MAP3K20: variants seen among roughly 807,000 people sequenced by gnomAD.
MAP3K20 encodes HCCS-4.
A neutral mutation model predicts 85.7 loss-of-function variants in MAP3K20; 40 were observed. The ratio of observed to expected loss-of-function variants is 0.47; its 90% CI spans 0.36 to 0.61. The LOEUF (loss-of-function observed/expected upper bound fraction) is 0.61, where lower values mean the gene tolerates loss of function less well. Ranked by LOEUF, MAP3K20 falls within the 20% of genes least tolerant of loss-of-function variation. MAP3K20 has a pLI of 0.00. For synonymous variants in MAP3K20, 325 were observed against 327.7 expected, an observed-to-expected ratio of 0.99 and a Z score of 0.09; for missense variants, 817 against 961.7, an observed-to-expected ratio of 0.85 and a Z score of 1.99.
At chr2:173,131,033 G>A (rs1688604905) in intron 2 of MAP3K20, among the ~76,000 whole-genome samples, 1 of 152,206 alleles carries the variant, frequency 6.6e-6, no homozygotes, top group African/African-American at 2.4e-5. Context: ...ATTACCTCAT[G>A]GAGTAATGGC....
chr2:173,131,305 C>T (rs530993786), intron 2 of MAP3K20, among the ~76,000 whole-genome samples: 1 of 152,260 alleles, frequency 6.6e-6, no homozygotes, highest in African/African-American at 2.4e-5. Context: ...CAGTAATTGA[C>T]ATTAGGTGCT....
At chr2:173,196,537 C>G (rs758237255) in intron 7 of MAP3K20, among the ~76,000 whole-genome samples, 1 of 152,162 alleles carries the variant, frequency 6.6e-6, no homozygotes, top group African/African-American at 2.4e-5. Flanking sequence ...AATTTTTTTT[C>G]TCCTGCTTGA....
At chr2:173,235,391 AC>A (rs1684624827) in intron 14 of MAP3K20, among the ~76,000 whole-genome samples, 1 of 152,024 alleles carries the variant, frequency 6.6e-6, no homozygotes, top group Non-Finnish European at 1.5e-5. Context: ...CCCACCTGGG[AC>A]CCCCTCCTCG....
intron 16 of MAP3K20, 98 bp downstream of exon 16, chr2:173,239,594 A>T: frequency 9.5e-7 from 1 of 1,050,534 alleles, no homozygotes; most frequent in Non-Finnish European, 1.4e-6. Context: ...ACCAGCTGGT[A>T]ACTGGATTTT....
chr2:173,107,331 A>G (rs1559233642), intron 2 of MAP3K20, among the ~76,000 whole-genome samples: 1 of 152,122 alleles, frequency 6.6e-6, no homozygotes, highest in Non-Finnish European at 1.5e-5. Context: ...GAAGGTTTAG[A>G]GAAGAGGTTC....
intron 2 of MAP3K20, among the ~76,000 whole-genome samples, chr2:173,141,287 A>G (rs1476127651): frequency 6.6e-6 from 1 of 152,216 alleles, no homozygotes; most frequent in Non-Finnish European, 1.5e-5. Context: ...TGTAATTAGC[A>G]GACAAAAGAC....
At chr2:173,119,963 G>A (rs1190885331) in intron 2 of MAP3K20, among the ~76,000 whole-genome samples, 2 of 152,096 alleles carry the variant, frequency 1.3e-5, no homozygotes, top group Non-Finnish European at 1.5e-5. Flanking sequence ...GGAGAGATCA[G>A]AGAGAAATAA....
chr2:173,224,944 T>C (rs1684342784), intron 11 of MAP3K20: 1 of 981,996 alleles, frequency 1.0e-6, no homozygotes, highest in South Asian at 4.7e-5. Flanking sequence ...TGGATTTAGT[T>C]CCAACTACTT....
chr2:173,248,437 A>G (rs928235524), intron 16 of MAP3K20, among the ~76,000 whole-genome samples: 2 of 152,268 alleles, frequency 1.3e-5, no homozygotes, highest in African/African-American at 4.8e-5. Context: ...AAAGAAACAC[A>G]AGTTTTAATT....
In MAP3K20 at chr2:173,266,775, A is replaced by C; in HGVS notation, c.*25A>C. 7.8e-7 allele frequency: 1 copy of C among 1,274,874 alleles called. No individual in the cohort carries two copies. Among genetic ancestry groups the C allele is most frequent in the South Asian group, 2.1e-5 (1 of 47,066 alleles). 79.0% of individuals were successfully genotyped at this position (1,274,874 alleles called of 1,614,324 possible). On this transcript the variant is annotated 3_prime_UTR_variant, in exon 20 of 20. Transcript: ENST00000375213. ...ATGAATTGAACTACATAGCTTTTCTAAGCAGGTTAAAAAAAAAAAAAAAAA... is the reference window on the plus strand; with the variant it reads ...ATGAATTGAACTACATAGCTTTTCTCAGCAGGTTAAAAAAAAAAAAAAAAA...
chr2:173,232,140 G>C (rs1423096889), intron 12 of MAP3K20, 52 bp from the exon 13 acceptor site: 1 of 1,608,760 alleles, frequency 6.2e-7, no homozygotes, highest in Non-Finnish European at 8.5e-7. Flanking sequence ...GTGAAGACTG[G>C]CCACTGACCA....
rs557462332 is a variant in MAP3K20 at position 173,199,653 on chromosome 2, A to C, written c.669+1541A>C. ...CTGCACTATTCCAAGATAAACTAGG[A>C]GAAAGGTTGTTTTTTTTTTTTTTTC... On this transcript the variant is annotated intron_variant, in intron 8 of 19. Coordinates refer to ENST00000375213, the MANE Select transcript of MAP3K20 (RefSeq NM_016653.3). 2.7e-5 allele frequency among the ~76,000 whole-genome samples: 4 copies of C among 145,668 alleles called. No individual in the cohort carries two copies. The East Asian group carries it at 6.7e-4, about 24-fold the overall frequency.
chr2:173,262,350 A>G (rs1685316390), intron 18 of MAP3K20, among the ~76,000 whole-genome samples: 1 of 152,182 alleles, frequency 6.6e-6, no homozygotes, highest in Non-Finnish European at 1.5e-5. Context: ...CTGTAACCCC[A>G]GCACTTTGGG....
chr2:173,084,424 C>CAAA (rs60463346), intron 1 of MAP3K20, among the ~76,000 whole-genome samples: 27 of 136,566 alleles, frequency 2.0e-4, no homozygotes, highest in Admixed American at 5.8e-4. Flanking sequence ...CCAAAAAGTG[C>CAAA]AAAAAAAAAA....
intron 11 of MAP3K20, chr2:173,221,787 T>C (rs1684258805): frequency 8.7e-7 from 1 of 1,145,026 alleles, no homozygotes; most frequent in East Asian, 4.3e-5. Flanking sequence ...TTTGTGATCC[T>C]ATATACAATA....
At position 173,180,535 on chromosome 2, in the gene MAP3K20, G is replaced by A. The variant is rs145992736; in HGVS notation, c.248-2319G>A. ...AAAAAATACAAATAAAAATTAGCCA[G>A]CGTGGTGATGTGCACCTGTAGTCCC... On this transcript the variant is annotated intron_variant, in intron 3 of 19. Transcript: ENST00000375213. 3.4e-3 allele frequency among the ~76,000 whole-genome samples: 519 copies of A among 152,224 alleles called. 2 individuals carry two copies. Among genetic ancestry groups the A allele is most frequent in the African/African-American group, 0.012 (499 of 41,530 alleles).
intron 12 of MAP3K20, among the ~76,000 whole-genome samples, chr2:173,230,101 G>A (rs765612700): frequency 1.8e-4 from 28 of 152,046 alleles, no homozygotes; most frequent in Non-Finnish European, 3.7e-4. Flanking sequence ...CAAAGTGCTG[G>A]GATTATAGGT....
At position 173,195,646 on chromosome 2, in the gene MAP3K20, G is replaced by GA. The variant is rs139113672; in HGVS notation, c.583-2371dup. On this transcript the variant is annotated intron_variant, in intron 7 of 19. Transcript: ENST00000375213. The stretch of plus-strand genomic sequence containing the variant: ...CCAAATGTTATTTTTGTTTAGTGTG[G>GA]AAAAAAAAAGCTGATGTCCTATCTT... 9.4e-5 allele frequency among the ~76,000 whole-genome samples: 14 copies of GA among 148,200 alleles called. No individual in the cohort carries two copies. In the East Asian group the frequency reaches 1.8e-3, roughly 19 times the overall value.
At chr2:173,195,630 A>G (rs964222520) in intron 7 of MAP3K20, among the ~76,000 whole-genome samples, 4 of 151,796 alleles carry the variant, frequency 2.6e-5, no homozygotes, top group African/African-American at 9.7e-5. Flanking sequence ...GCCAAATGTT[A>G]TTTTTGTTTA....
Sources: allele counts gnomAD v4.1 joint callset (sites outside exome capture counted in the v4.1 genomes callset), GRCh38; gene constraint gnomAD v4.1.1; transcripts MANE v1.5; gene names NCBI Gene and HGNC (gene_info 2026-07-23, HGNC 2026-07-21).